Variants in CLDN16 observed in about 807,000 individuals in gnomAD.
The protein encoded by CLDN16 is claudin-16.
Under a neutral mutation model 24.6 loss-of-function variants are expected in CLDN16, and 13 were observed. The observed-to-expected ratio is 0.53, with a 90% confidence interval of 0.34 to 0.84. CLDN16 has a LOEUF of 0.84. Ranked by LOEUF, CLDN16 falls within the 40% of genes least tolerant of loss-of-function variation. The probability of loss-of-function intolerance (pLI) is 0.01; values close to 1 mark genes in which losing one functional copy is unlikely to be tolerated. For missense variants in CLDN16, 298 were observed against 292.7 expected, an observed-to-expected ratio of 1.02 and a Z score of -0.13; for synonymous variants, 116 against 106.7, an observed-to-expected ratio of 1.09 and a Z score of -0.54.
chr3:190,318,663 A>C (rs1021549173), upstream of CLDN16, among the ~76,000 whole-genome samples: 2 of 152,212 alleles, frequency 1.3e-5, no homozygotes, highest in African/African-American at 2.4e-5. Context: ...TTTTGCTTCA[A>C]CTTCCATTAT....
intron 1 of CLDN16, among the ~76,000 whole-genome samples, chr3:190,324,670 T>C (rs917604596): frequency 6.6e-6 from 1 of 152,142 alleles, no homozygotes; most frequent in Non-Finnish European, 1.5e-5. Flanking sequence ...TTCAGGTCTG[T>C]GCGAGGCTGA....
At chr3:190,291,460 C>G in the CLDN16 span, among the ~76,000 whole-genome samples, 1 of 152,012 alleles carries the variant, frequency 6.6e-6, no homozygotes, top group Non-Finnish European at 1.5e-5. Flanking sequence ...CCCTATGAAA[C>G]CATCAGATCT....
the CLDN16 span, among the ~76,000 whole-genome samples, chr3:190,310,743 A>G: frequency 6.6e-6 from 1 of 152,180 alleles, no homozygotes; most frequent in African/African-American, 2.4e-5. Context: ...GACATGTCTC[A>G]GAATGGACCA....
upstream of CLDN16, among the ~76,000 whole-genome samples, chr3:190,386,622 A>G (rs116780103): frequency 8.1e-4 from 124 of 152,294 alleles, no homozygotes; most frequent in African/African-American, 2.9e-3. Flanking sequence ...ACCACTGATG[A>G]ATTGTTTATC....
At chr3:190,379,828 A>G (rs931984171) in intron 3 of CLDN16, among the ~76,000 whole-genome samples, 1 of 152,100 alleles carries the variant, frequency 6.6e-6, no homozygotes, top group Non-Finnish European at 1.5e-5. Context: ...TAAGAACTAC[A>G]TCAACCATTA....
At chr3:190,395,394 G>C (rs1718792177) in intron 1 of CLDN16, among the ~76,000 whole-genome samples, 1 of 151,948 alleles carries the variant, frequency 6.6e-6, no homozygotes, top group Non-Finnish European at 1.5e-5. Context: ...TTTTAGTCTT[G>C]CTCCCTCATC....
At chr3:190,395,789 A>C (rs1439481886) in intron 1 of CLDN16, among the ~76,000 whole-genome samples, 1 of 152,030 alleles carries the variant, frequency 6.6e-6, no homozygotes, top group Admixed American at 6.6e-5. Flanking sequence ...TATAATCTTA[A>C]TGCATATTGA....
chr3:190,334,528 A>G (rs78633819), intron 1 of CLDN16, among the ~76,000 whole-genome samples: 1 of 152,140 alleles, frequency 6.6e-6, no homozygotes, highest in African/African-American at 2.4e-5. Flanking sequence ...ATTCTGCAAC[A>G]TTTTCCACTC....
At chr3:190,402,546 C>T (rs1182202075) in intron 2 of CLDN16, 107 bp downstream of exon 2, 14 of 842,130 alleles carry the variant, frequency 1.7e-5, no homozygotes, top group Non-Finnish European at 2.4e-5. Context: ...TATTAAGGTT[C>T]GGTCCAGTTT....
rs371988440 is a variant in CLDN16, at chr3:190,401,206, G to T, written c.115-1131G>T. On this transcript the variant is annotated intron_variant, in intron 1 of 4. Coordinates refer to ENST00000264734, the MANE Select transcript of CLDN16 (RefSeq NM_006580.4). ...GCACATAACACGGCCTCAAAAAATA[G>T]CATGGGGCAGAGAGTTTCATAGTGC... Among the ~76,000 whole-genome samples the T allele has an allele frequency of 3.3e-5, 4 of 119,878 alleles. No individual in the cohort carries two copies. The East Asian group carries it at 1.1e-3, about 34-fold the overall frequency. The allele number at this position is 119,878 out of a possible 152,430, so 78.6% of individuals were successfully genotyped here.
the CLDN16 span, chr3:190,310,355 T>A: frequency 6.2e-6 from 5 of 805,924 alleles, no homozygotes; most frequent in African/African-American, 6.8e-5. Context: ...TTAAATCTCA[T>A]CAATAGTGTT....
At chr3:190,303,659 A>T in the CLDN16 span, among the ~76,000 whole-genome samples, 10 of 151,978 alleles carry the variant, frequency 6.6e-5, no homozygotes, top group Admixed American at 1.3e-4. Flanking sequence ...TGCACATTAA[A>T]GAGAATAACT....
upstream of CLDN16, among the ~76,000 whole-genome samples, chr3:190,385,066 C>T (rs915371589): frequency 3.3e-5 from 5 of 152,192 alleles, no homozygotes; most frequent in Non-Finnish European, 7.4e-5. Context: ...AAGAGTAAAC[C>T]TCTCAAGGAC....
chr3:190,403,805 C>T (rs1719021359), intron 2 of CLDN16, among the ~76,000 whole-genome samples: 1 of 152,062 alleles, frequency 6.6e-6, no homozygotes, highest in Non-Finnish European at 1.5e-5. Flanking sequence ...CCTCTCTGTG[C>T]TAACCTAGTT....
intron 1 of CLDN16, among the ~76,000 whole-genome samples, chr3:190,355,838 AT>A (rs566399240): frequency 1.3e-5 from 2 of 151,682 alleles, no homozygotes; most frequent in African/African-American, 4.8e-5. Flanking sequence ...AAAGTGAAGC[AT>A]TTTTTTAGGT....
chr3:190,408,624 TA>T, intron 4 of CLDN16, 119 bp downstream of exon 4: 1 of 936,216 alleles, frequency 1.1e-6, no homozygotes, highest in Non-Finnish European at 1.6e-6. Context: ...CTATTGCCAT[TA>T]AAAATTCCAA....
At chr3:190,401,373 G>T (rs1220538201) in intron 1 of CLDN16, among the ~76,000 whole-genome samples, 1 of 152,036 alleles carries the variant, frequency 6.6e-6, no homozygotes, top group Admixed American at 6.6e-5. Context: ...AAAAAATTAA[G>T]TTTTTATTTT....
upstream of CLDN16, among the ~76,000 whole-genome samples, chr3:190,384,054 A>G (rs895467199): frequency 1.3e-5 from 2 of 152,194 alleles, no homozygotes; most frequent in Non-Finnish European, 2.9e-5. Context: ...GTCATATATA[A>G]ATGGGCTTAG....
chr3:190,328,561 G>A (rs1447769707), intron 1 of CLDN16, among the ~76,000 whole-genome samples: 1 of 152,020 alleles, frequency 6.6e-6, no homozygotes, highest in African/African-American at 2.4e-5. Flanking sequence ...TGAGAACCTG[G>A]GTAAGTATTC....
Sources: gnomAD v4.1 joint callset for allele counts (sites outside exome capture counted in the v4.1 genomes callset) on GRCh38, gnomAD v4.1.1 for gene constraint, MANE v1.5 for transcripts, NCBI Gene and HGNC (gene_info 2026-07-23, HGNC 2026-07-21) for gene names.